Variants in ARAP2 observed in about 807,000 individuals in gnomAD.
The protein encoded by ARAP2 is arf-GAP with Rho-GAP domain, ANK repeat and PH domain-containing protein 2.
A neutral mutation model predicts 194.5 loss-of-function variants in ARAP2; 148 were observed. The observed-to-expected ratio is 0.76, with a 90% CI of 0.67 to 0.87. ARAP2 has a LOEUF of 0.87. Ranked by LOEUF, ARAP2 falls within the 40% of genes least tolerant of loss-of-function variation. The pLI, the probability that ARAP2 is intolerant of heterozygous loss-of-function variation, is 0.00. For missense variants in ARAP2, 2,128 were observed against 1,989.7 expected (o/e 1.07, Z -1.32); for synonymous variants, 695 against 683.5 (o/e 1.02, Z -0.26).
intron 9 of ARAP2, among the ~76,000 whole-genome samples, chr4:36,009,421 A>C (rs1218506371): frequency 6.6e-6 from 1 of 152,100 alleles, no homozygotes; most frequent in Non-Finnish European, 1.5e-5. Context: ...GAAACAGATA[A>C]CCAAATCATG....
At chr4:36,057,605 AACC>A (rs1723735254) in intron 2 of ARAP2, among the ~76,000 whole-genome samples, 2 of 152,026 alleles carry the variant, frequency 1.3e-5, no homozygotes, top group African/African-American at 4.8e-5. Context: ...CCAATTCACT[AACC>A]GTTGGTGCAT....
intron 5 of ARAP2, among the ~76,000 whole-genome samples, chr4:36,043,875 GAA>G: frequency 7.4e-6 from 1 of 134,276 alleles, no homozygotes; most frequent in Non-Finnish European, 1.6e-5. Context: ...GAAGGGAAGG[GAA>G]AAAGGGAAAG....
At chr4:36,200,936 G>A (rs1458736166) in intron 6 of ARAP2, among the ~76,000 whole-genome samples, 1 of 152,156 alleles carries the variant, frequency 6.6e-6, no homozygotes, top group South Asian at 2.1e-4. Context: ...AAAAGATAAT[G>A]TATACAAGAC....
chr4:36,125,116 A>C (rs1723578507), intron 21 of ARAP2, 149 bp from the exon 22 acceptor site: 1 of 537,792 alleles, frequency 1.9e-6, no homozygotes, highest in Admixed American at 3.3e-5. Flanking sequence ...TCAAAGTTCT[A>C]AAGTAATTGC....
At chr4:36,162,186 G>A (rs1259403381) in intron 11 of ARAP2, among the ~76,000 whole-genome samples, 1 of 151,240 alleles carries the variant, frequency 6.6e-6, no homozygotes, top group Non-Finnish European at 1.5e-5. Context: ...ACAGACACAT[G>A]TATAAATATT....
intron 32 of ARAP2, among the ~76,000 whole-genome samples, chr4:36,070,599 A>T (rs6818439): frequency 0.019 from 2,900 of 152,326 alleles, 69 homozygotes; most frequent in East Asian, 0.097. Context: ...CAAATCATTC[A>T]CATGGCTTTA....
chr4:36,082,558 A>G (rs1729822451), intron 29 of ARAP2, among the ~76,000 whole-genome samples: 1 of 152,174 alleles, frequency 6.6e-6, no homozygotes, highest in Admixed American at 6.5e-5. Context: ...ATAAGGCCAA[A>G]TGTCTACGAA....
chr4:36,005,681 A>G (rs1170224349), intron 10 of ARAP2: 1 of 152,302 alleles, frequency 6.6e-6, no homozygotes, highest in African/African-American at 2.4e-5. Flanking sequence ...AAGCTGTTTA[A>G]CAGAAAACTC....
At chr4:36,057,589 C>T (rs939185649) in intron 2 of ARAP2, among the ~76,000 whole-genome samples, 1 of 151,710 alleles carries the variant, frequency 6.6e-6, no homozygotes, top group African/African-American at 2.4e-5. Context: ...TTTTACTAAC[C>T]TGTCTCCAAT....
chr4:36,133,743 G>GA (rs1316906090), intron 19 of ARAP2, among the ~76,000 whole-genome samples: 3 of 151,656 alleles, frequency 2.0e-5, no homozygotes, highest in Non-Finnish European at 4.4e-5. Flanking sequence ...CTTAAAAAGA[G>GA]AAAAAAACTA....
chr4:36,229,111 T>A lies in ARAP2; in HGVS notation c.376A>T (p.Asn126Tyr). ...SPPQLETVRK[N>Y]LEDSDASVER... Reference sequence around the variant, plus strand: ...ACACTTGCATCACTGTCTTCAAGATTTTTTCTAACAGTCTCCAACTGCGGT... The same window carrying A: ...ACACTTGCATCACTGTCTTCAAGATATTTTCTAACAGTCTCCAACTGCGGT... Residue 126 changes from asparagine (N) to tyrosine (Y), a missense_variant, in exon 2 of 33, where the codon AAT becomes TAT. Coordinates refer to ENST00000303965, the MANE Select transcript of ARAP2 (RefSeq NM_015230.4). The A allele has an allele frequency of 1.2e-6, 2 of 1,614,038 alleles. No homozygotes were observed. Among genetic ancestry groups the A allele is most frequent in the Non-Finnish European group, 1.7e-6 (2 of 1,179,976 alleles).
intron 28 of ARAP2, among the ~76,000 whole-genome samples, chr4:36,087,758 C>T (rs1297047686): frequency 6.6e-6 from 1 of 152,066 alleles, no homozygotes; most frequent in Non-Finnish European, 1.5e-5. Flanking sequence ...TAAAAGTAAA[C>T]TTACTCTCTA....
At position 36,109,230 on chromosome 4, in the gene ARAP2, CA is replaced by C. The variant is rs1719213094; in HGVS notation, c.4157-1538del. On this transcript the variant is annotated intron_variant, in intron 26 of 32. Transcript: ENST00000303965. ...GCTTCCTATCCAGTAAAGAGAAATCCAATTCTGCATTCTGTGCTTATTGGAG... is the reference window on the plus strand; with the variant it reads ...GCTTCCTATCCAGTAAAGAGAAATCCATTCTGCATTCTGTGCTTATTGGAG... 2.0e-5 allele frequency among the ~76,000 whole-genome samples: 3 copies of C among 151,694 alleles called. No individual in the cohort carries two copies. The South Asian group carries it at 6.2e-4, about 31-fold the overall frequency.
chr4:36,211,098 C>G (rs1399862292), intron 5 of ARAP2, among the ~76,000 whole-genome samples: 1 of 152,112 alleles, frequency 6.6e-6, no homozygotes. Flanking sequence ...CCCAATCCCT[C>G]TGGGCAACAT....
At chr4:36,186,477 C>T (rs1356654788) in intron 8 of ARAP2, among the ~76,000 whole-genome samples, 1 of 152,198 alleles carries the variant, frequency 6.6e-6, no homozygotes, top group Admixed American at 6.5e-5. Flanking sequence ...CCAAAATCTA[C>T]CATAGAATGA....
At chr4:36,171,614 T>C (rs1736656371) in intron 9 of ARAP2, among the ~76,000 whole-genome samples, 1 of 152,032 alleles carries the variant, frequency 6.6e-6, no homozygotes, top group Non-Finnish European at 1.5e-5. Context: ...GGCACATGTA[T>C]ACATATGTAA....
chr4:36,035,681 T>G (rs77396223), intron 5 of ARAP2, among the ~76,000 whole-genome samples: 6,404 of 152,200 alleles, frequency 0.042, 245 homozygotes, highest in African/African-American at 0.093. Context: ...CTTATCAATT[T>G]GTTCATCAAT....
intron 27 of ARAP2, among the ~76,000 whole-genome samples, chr4:36,100,479 A>T (rs1716564398): frequency 1.3e-5 from 2 of 152,108 alleles, no homozygotes. Context: ...TTCCATGAGA[A>T]GCAACTCCCT....
chr4:36,031,248 C>T (rs902007992), intron 5 of ARAP2, among the ~76,000 whole-genome samples: 5 of 152,196 alleles, frequency 3.3e-5, no homozygotes, highest in Admixed American at 3.3e-4. Context: ...TATTTCCCTT[C>T]TATGGATATA....
Sources: allele counts gnomAD v4.1 joint callset (sites outside exome capture counted in the v4.1 genomes callset), GRCh38; gene constraint gnomAD v4.1.1; transcripts MANE v1.5; gene names NCBI Gene and HGNC (gene_info 2026-07-23, HGNC 2026-07-21).